Variants in SLC9A3 observed in about 807,000 individuals in gnomAD.
SLC9A3 encodes solute carrier family 9 member A3, also known as sodium/hydrogen exchanger 3.
SLC9A3 carries 37 observed loss-of-function variants against 86.8 expected under a neutral mutation model. That is an observed-to-expected ratio of 0.43 (90% confidence interval 0.33 to 0.56). The LOEUF (loss-of-function observed/expected upper bound fraction) is 0.56, where lower values mean the gene tolerates loss of function less well. SLC9A3 is among the 20% of genes least tolerant of loss of function. The pLI is 0.06. For missense variants in SLC9A3, 1,011 were observed against 1,171.9 expected (o/e 0.86, Z 2.00); for synonymous variants, 581 against 528.3 (o/e 1.10, Z -1.37).
At chr5:523,245 TC>T (rs1733937874) in intron 1 of SLC9A3, among the ~76,000 whole-genome samples, 3 of 152,058 alleles carry the variant, frequency 2.0e-5, no homozygotes, top group African/African-American at 7.2e-5. Flanking sequence ...TCAGCTGTTC[TC>T]CCCGGAGCCT....
At position 522,310 on chromosome 5, in the gene SLC9A3, ACT is replaced by A. The variant is rs561484837; in HGVS notation, c.211+1800_211+1801del. On this transcript the variant is annotated intron_variant, in intron 1 of 16. Transcript: ENST00000264938. Reference sequence around the variant, plus strand: ...GAAGGCTTTTCCCTGTGAATAACAAACTCTGAGGCCAGGCAAAGCCCTGGTCA... The same window carrying A: ...GAAGGCTTTTCCCTGTGAATAACAAACTGAGGCCAGGCAAAGCCCTGGTCA... Among the ~76,000 whole-genome samples, 15 of 152,126 alleles carry A rather than the reference ACT, an allele frequency of 9.9e-5. No homozygotes were observed. In the East Asian group the frequency reaches 2.3e-3, roughly 24 times the overall value.
At chr5:506,813 A>G (rs1174084244) in intron 1 of SLC9A3, among the ~76,000 whole-genome samples, 1 of 151,964 alleles carries the variant, frequency 6.6e-6, no homozygotes, top group Non-Finnish European at 1.5e-5. Flanking sequence ...CACGCCTGTA[A>G]TCTCAGCACT....
At chr5:481,507 G>T in intron 9 of SLC9A3, 58 bp downstream of exon 9, 1 of 1,389,708 alleles carries the variant, frequency 7.2e-7, no homozygotes, top group Non-Finnish European at 1.0e-6. Context: ...CTTCCGAGTG[G>T]AGGATGTTTC....
intron 1 of SLC9A3, among the ~76,000 whole-genome samples, chr5:498,364 C>T (rs562496414): frequency 2.6e-5 from 4 of 152,322 alleles, no homozygotes; most frequent in Admixed American, 1.3e-4. Flanking sequence ...GGCTCTTCCC[C>T]GCCAGCCCCA....
chr5:519,817 C>A (rs766219792), intron 1 of SLC9A3, among the ~76,000 whole-genome samples: 1 of 151,738 alleles, frequency 6.6e-6, no homozygotes, highest in Non-Finnish European at 1.5e-5. Flanking sequence ...GTGGGGGTAA[C>A]GCCGCTCAGA....
chr5:489,796 G>A (rs1009065783), intron 2 of SLC9A3, among the ~76,000 whole-genome samples: 5 of 152,268 alleles, frequency 3.3e-5, no homozygotes, highest in South Asian at 2.1e-4. Flanking sequence ...TCCTGGGGTC[G>A]GCCGCGTTCA....
At chr5:475,414 T>A in intron 15 of SLC9A3, 147 bp downstream of exon 15, 1 of 628,602 alleles carries the variant, frequency 1.6e-6, no homozygotes, top group Non-Finnish European at 2.8e-6. Flanking sequence ...GAGGGGGCAC[T>A]CAGTGGGTGC....
Position 475,139 on chromosome 5 carries a change from G to T in SLC9A3, c.2252-7C>A, listed in dbSNP as rs371754723. On this transcript the variant is annotated splice_region_variant and splice_polypyrimidine_tract_variant and intron_variant, in intron 15 of 16. Transcript: ENST00000264938. ...AACACAGGGTTGTCAATTCCTAGGA[G>T]AGAGGGCAGCGGCTAGTCAGCCTTC... 2.5e-6 allele frequency: 4 copies of T among 1,571,472 alleles called. No homozygotes were observed. Among genetic ancestry groups the T allele is most frequent in the African/African-American group, 2.7e-5 (2 of 73,900 alleles).
intron 3 of SLC9A3, among the ~76,000 whole-genome samples, chr5:485,643 G>A (rs189402538): frequency 1.3e-5 from 2 of 152,396 alleles, no homozygotes; most frequent in Admixed American, 6.5e-5. Context: ...GCAAAACCCA[G>A]AGATAAAATG....
chr5:504,770 G>A (rs905542087), intron 1 of SLC9A3, among the ~76,000 whole-genome samples: 1 of 152,218 alleles, frequency 6.6e-6, no homozygotes, highest in Non-Finnish European at 1.5e-5. Context: ...CCCAGCTCCT[G>A]GCCGGCCACC....
chr5:481,543 C>T (rs573400991), intron 9 of SLC9A3, 22 bp downstream of exon 9: 36 of 1,602,434 alleles, frequency 2.2e-5, no homozygotes, highest in South Asian at 9.9e-5. Flanking sequence ...GCGACACCGC[C>T]GGGGCCGTCC....
At chr5:504,681 G>T (rs1740464972) in intron 1 of SLC9A3, among the ~76,000 whole-genome samples, 1 of 152,188 alleles carries the variant, frequency 6.6e-6, no homozygotes, top group Admixed American at 6.5e-5. Flanking sequence ...TGGGGCCATG[G>T]GCACCGGGAC....
intron 1 of SLC9A3, among the ~76,000 whole-genome samples, chr5:509,036 A>T (rs903836741): frequency 3.3e-5 from 5 of 151,784 alleles, no homozygotes; most frequent in African/African-American, 4.8e-5. Flanking sequence ...TGAGCCTGGG[A>T]GGTGGAGGCT....
chr5:484,722 C>T (rs1446128094), intron 4 of SLC9A3, 25 bp from the exon 5 acceptor site: 7 of 1,608,530 alleles, frequency 4.4e-6, no homozygotes, highest in Middle Eastern at 1.7e-4. Context: ...CCCTTTGTGG[C>T]CGTGCCGGCC....
At chr5:516,412 C>T (rs1465836855) in intron 1 of SLC9A3, among the ~76,000 whole-genome samples, 1 of 152,150 alleles carries the variant, frequency 6.6e-6, no homozygotes, top group East Asian at 1.9e-4. Flanking sequence ...CATTCAAGCT[C>T]CTAAAAGTGG....
intron 1 of SLC9A3, among the ~76,000 whole-genome samples, chr5:495,094 TG>T (rs146999742): frequency 0.18 from 23,577 of 133,202 alleles, 2,175 homozygotes; most frequent in Non-Finnish European, 0.25. Context: ...TGTCCCCAGG[TG>T]GGGGGGCGCC....
At position 475,389 on chromosome 5, in the gene SLC9A3, G is replaced by C. The variant is rs1245150029; in HGVS notation, c.2251+172C>G. ...CCGGCCCACGTCTCCCCGGACAGCAGCCTCCGAGTTGGTTGAGGGGGCACT... is the reference window on the plus strand; with the variant it reads ...CCGGCCCACGTCTCCCCGGACAGCACCCTCCGAGTTGGTTGAGGGGGCACT... On this transcript the variant is annotated intron_variant, in intron 15 of 16. Transcript: ENST00000264938. 4 of 620,136 alleles carry C rather than the reference G, an allele frequency of 6.5e-6. No individual in the cohort carries two copies. The African/African-American group carries it at 7.4e-5, about 11-fold the overall frequency. The allele number at this position is 620,136 out of a possible 1,614,324, so 38.4% of individuals were successfully genotyped here.
At chr5:486,908 C>T (rs1323043155) in intron 3 of SLC9A3, among the ~76,000 whole-genome samples, 10 of 127,784 alleles carry the variant, frequency 7.8e-5, no homozygotes, top group African/African-American at 2.6e-4. Context: ...TGATCCAGAC[C>T]GCACTGACAC....
At position 520,287 on chromosome 5, in the gene SLC9A3, C is replaced by T. The variant is rs566409691; in HGVS notation, c.211+3825G>A. 2.6e-5 allele frequency among the ~76,000 whole-genome samples: 4 copies of T among 152,360 alleles called. No individual in the cohort carries two copies. The South Asian group carries it at 8.3e-4, about 32-fold the overall frequency. ...TGGGCCTAGAATCCACTCCCGGCCC[C>T]AGCCCCTCCCCGGTTTCCGACATCT... On this transcript the variant is annotated intron_variant, in intron 1 of 16. Coordinates refer to ENST00000264938, the MANE Select transcript of SLC9A3 (RefSeq NM_004174.4).
Sources: gnomAD v4.1 joint callset for allele counts (sites outside exome capture counted in the v4.1 genomes callset) on GRCh38, gnomAD v4.1.1 for gene constraint, MANE v1.5 for transcripts, NCBI Gene and HGNC (gene_info 2026-07-23, HGNC 2026-07-21) for gene names.